Variants in UQCRB observed in about 807,000 individuals in gnomAD.
UQCRB encodes ubiquinol-cytochrome c reductase binding protein.
UQCRB carries 12 observed loss-of-function variants against 19.8 expected under a neutral mutation model. That is an observed-to-expected ratio of 0.61 (90% CI 0.39 to 0.98). UQCRB has a LOEUF of 0.98. Among genes scored for constraint, UQCRB ranks in the 50% least tolerant of loss-of-function variants. The pLI is 0.00. For missense variants in UQCRB, 142 were observed against 131.8 expected (o/e 1.08, Z -0.38); for synonymous variants, 39 against 42.9 (o/e 0.91, Z 0.35).
chr8:96,231,988 G>C, intron 2 of UQCRB, 48 bp from the exon 3 acceptor site: 1 of 1,599,336 alleles, frequency 6.3e-7, no homozygotes. Flanking sequence ...CAAAAATCGC[G>C]GTTTTTTTAA....
rs1039286950 is a variant in UQCRB, at chr8:96,223,961, C to T, written c.*7094G>A. Among the ~76,000 whole-genome samples, 2 of 152,160 alleles carry T rather than the reference C, an allele frequency of 1.3e-5. No individual in the cohort carries two copies. The highest frequency in any genetic ancestry group is 4.8e-5 in the African/African-American group (2 of 41,442). ...GGAAGGCCACTCCCTTCAACTGGAA[C>T]TAGTGTGGTCTCCTGGAGTCTGACT... On this transcript the variant is annotated 3_prime_UTR_variant, in exon 4 of 4. Transcript: ENST00000287022.
chr8:96,233,598 T>C (rs1221580714), intron 1 of UQCRB: 2 of 180,550 alleles, frequency 1.1e-5, no homozygotes, highest in Admixed American at 5.8e-5. Context: ...GGGTGGGAGA[T>C]AGGAAAAGGA....
Position 96,230,398 on chromosome 8 carries a change from T to C in UQCRB, c.*657A>G. 2.3e-6 allele frequency: 1 copy of C among 443,168 alleles called. No individual in the cohort carries two copies. The highest frequency in any genetic ancestry group is 1.6e-5 in the South Asian group (1 of 62,154). The allele number at this position is 443,168 out of a possible 1,614,324, so 27.5% of individuals were successfully genotyped here. The stretch of plus-strand genomic sequence containing the variant: ...TGCCAATGATTCTAATTTATATTTT[T>C]AAAAATTACCCTATAATCTTAAAAC... On this transcript the variant is annotated 3_prime_UTR_variant, in exon 4 of 4. Transcript: ENST00000287022.
In UQCRB at chr8:96,227,918, T is replaced by C. The variant is rs1372344422; in HGVS notation, c.*3137A>G. ...AGTAAAAACTCCATCACTAACATTT[T>C]GGTACCACTCGTAGAGCGTCACATA... On this transcript the variant is annotated 3_prime_UTR_variant, in exon 4 of 4. Transcript: ENST00000287022. 8.8e-6 allele frequency: 4 copies of C among 454,054 alleles called. No individual in the cohort carries two copies. Among genetic ancestry groups the C allele is most frequent in the African/African-American group, 4.0e-5 (2 of 50,022 alleles). 28.1% of individuals were successfully genotyped at this position (454,054 alleles called of 1,614,324 possible). A position where few individuals can be genotyped will look rare whatever the true frequency, so the allele number is the denominator to read the frequency against.
rs901554077 is a variant in UQCRB, at chr8:96,226,491, A to G, written c.*4564T>C. On this transcript the variant is annotated 3_prime_UTR_variant, in exon 4 of 4. Coordinates refer to ENST00000287022, the MANE Select transcript of UQCRB (RefSeq NM_006294.5). ...TTGCCTAAATCATTGGCCTCAGATC[A>G]GTGTTTCCAGTTTAATGGCAAACCA... 8.9e-5 allele frequency: 17 copies of G among 189,968 alleles called. No individual in the cohort carries two copies. Among genetic ancestry groups the G allele is most frequent in the African/African-American group, 4.1e-4 (17 of 41,798 alleles). The allele number at this position is 189,968 out of a possible 1,614,324, so 11.8% of individuals were successfully genotyped here.
In UQCRB at chr8:96,225,078, C is replaced by A. The variant is rs748170803; in HGVS notation, c.*5977G>T. Among the ~76,000 whole-genome samples the A allele has an allele frequency of 6.6e-6, 1 of 151,940 alleles. No individual in the cohort carries two copies. The highest frequency in any genetic ancestry group is 2.4e-5 in the African/African-American group (1 of 41,346). ...CTCATACAAATAGATAAGAACTGAC[C>A]CAGGTTTGGGAAGGGGGAAGAGGGA... On this transcript the variant is annotated 3_prime_UTR_variant, in exon 4 of 4. Coordinates refer to ENST00000287022, the MANE Select transcript of UQCRB (RefSeq NM_006294.5).
rs1005020941 is a variant in UQCRB at position 96,226,165 on chromosome 8, T to C, written c.*4890A>G. ...TGGAACATAAACACATACATCAATT[T>C]AAAAAATCCAGAAAATTATGTAATG... On this transcript the variant is annotated 3_prime_UTR_variant, in exon 4 of 4. Coordinates refer to ENST00000287022, the MANE Select transcript of UQCRB (RefSeq NM_006294.5). 2.0e-5 allele frequency: 3 copies of C among 152,142 alleles called. No homozygotes were observed. Among genetic ancestry groups the C allele is most frequent in the African/African-American group, 7.2e-5 (3 of 41,426 alleles). 9.4% of individuals were successfully genotyped at this position (152,142 alleles called of 1,614,324 possible).
At position 96,233,370 on chromosome 8, in the gene UQCRB, A is replaced by G. The variant is rs115154948; in HGVS notation, c.20-143T>C. 9.8e-4 allele frequency: 653 copies of G among 666,312 alleles called. 5 individuals carry two copies. The African/African-American group carries it at 0.011, about 11-fold the overall frequency. 41.3% of individuals were successfully genotyped at this position (666,312 alleles called of 1,614,324 possible). On this transcript the variant is annotated intron_variant, in intron 1 of 3. Transcript: ENST00000287022. ...CCTTTTAAAAGTATATAGTATATACAGCAAGAATTTAATCAAAAGAATTAG... is the reference window on the plus strand; with the variant it reads ...CCTTTTAAAAGTATATAGTATATACGGCAAGAATTTAATCAAAAGAATTAG...
chr8:96,224,112 C>T lies in UQCRB; in HGVS notation c.*6943G>A, dbSNP rs1025978269. Among the ~76,000 whole-genome samples the T allele has an allele frequency of 6.6e-6, 1 of 152,192 alleles. No individual in the cohort carries two copies. Among genetic ancestry groups the T allele is most frequent in the Non-Finnish European group, 1.5e-5 (1 of 68,038 alleles). ...CAACCTAGCCATTCTCAAGGGCAGC[C>T]CAGTTCTGTGTGAGTCAGAGTCCTG... On this transcript the variant is annotated 3_prime_UTR_variant, in exon 4 of 4. Transcript: ENST00000287022.
At chr8:96,234,744 C>A in intron 1 of UQCRB, 1 of 320,552 alleles carries the variant, frequency 3.1e-6, no homozygotes. Flanking sequence ...TGCACTCCAG[C>A]CTGGGCGACA....
intron 1 of UQCRB, chr8:96,234,718 G>GA: frequency 5.5e-6 from 2 of 366,652 alleles, no homozygotes; most frequent in South Asian, 4.2e-5. Context: ...ATTGCAGTGA[G>GA]ACGAGATTGT....
In UQCRB at chr8:96,226,608, T is replaced by C. The variant is rs1184171430; in HGVS notation, c.*4447A>G. ...TTTTTGGTTTGGCTTGTGAATACAA[T>C]TGTCACAGATATGTATACAATTTTC... is the stretch of plus-strand genomic sequence containing the variant. On this transcript the variant is annotated 3_prime_UTR_variant, in exon 4 of 4. Transcript: ENST00000287022. 1.2e-5 allele frequency: 3 copies of C among 250,926 alleles called. No individual in the cohort carries two copies. The highest frequency in any genetic ancestry group is 2.4e-5 in the Non-Finnish European group (3 of 126,958). The allele number at this position is 250,926 out of a possible 1,614,324, so 15.5% of individuals were successfully genotyped here.
At chr8:96,234,679 C>T in intron 1 of UQCRB, 1 of 418,366 alleles carries the variant, frequency 2.4e-6, no homozygotes, top group Non-Finnish European at 4.5e-6. Flanking sequence ...AAAGGATCAA[C>T]ATTTTTTAAG....
chr8:96,232,449 A>T (rs1809698410), intron 2 of UQCRB: 1 of 156,800 alleles, frequency 6.4e-6, no homozygotes, highest in Non-Finnish European at 1.4e-5. Context: ...ACAAAGTTCT[A>T]AAAAAGCTTA....
In UQCRB at chr8:96,228,894, CTG is replaced by C; in HGVS notation, c.*2159_*2160del. 6.6e-6 allele frequency: 3 copies of C among 454,050 alleles called. No homozygotes were observed. Among genetic ancestry groups the C allele is most frequent in the Non-Finnish European group, 1.3e-5 (3 of 226,778 alleles). The allele number at this position is 454,050 out of a possible 1,614,324, so 28.1% of individuals were successfully genotyped here. On this transcript the variant is annotated 3_prime_UTR_variant, in exon 4 of 4. Coordinates refer to ENST00000287022, the MANE Select transcript of UQCRB (RefSeq NM_006294.5). ...TGGTCTACAGGACAATGCAGAGTGC[CTG>C]TGTTTCAGGCACTCTCATGGTGATT...
chr8:96,231,700 A>G (rs1586154001), intron 3 of UQCRB, 74 bp downstream of exon 3: 2 of 1,592,452 alleles, frequency 1.3e-6, no homozygotes, highest in Middle Eastern at 1.7e-4. Flanking sequence ...CACTATGCAA[A>G]TGAACATGTT....
intron 2 of UQCRB, chr8:96,232,283 AAC>A (rs1234151971): frequency 3.6e-6 from 1 of 274,514 alleles, no homozygotes; most frequent in Non-Finnish European, 7.1e-6. Flanking sequence ...TTTGTTTTTA[AAC>A]ACACATTAAT....
chr8:96,235,494 A>C lies in UQCRB; in HGVS notation c.19+18T>G. Reference sequence around the variant, plus strand: ...TGAAGCGCGACGATGCCGGCCAAGAAGACCCCCAGTTACTTACCGGCCTGC... The same window carrying C: ...TGAAGCGCGACGATGCCGGCCAAGACGACCCCCAGTTACTTACCGGCCTGC... On this transcript the variant is annotated intron_variant, in intron 1 of 3. Coordinates refer to ENST00000287022, the MANE Select transcript of UQCRB (RefSeq NM_006294.5). The C allele has an allele frequency of 6.2e-7, 1 of 1,614,236 alleles. No individual in the cohort carries two copies. Among genetic ancestry groups the C allele is most frequent in the Non-Finnish European group, 8.5e-7 (1 of 1,180,046 alleles).
chr8:96,231,765 C>G lies in UQCRB; in HGVS notation c.258+9G>C. 1.2e-6 allele frequency: 2 copies of G among 1,614,054 alleles called. No homozygotes were observed. The highest frequency in any genetic ancestry group is 1.3e-5 in the African/African-American group (1 of 75,046). ...GAGCAACACTGTCAGGTAGATAAAGCTGTGCTACCTCTTCATATTTGGTCC... is the reference window on the plus strand; with the variant it reads ...GAGCAACACTGTCAGGTAGATAAAGGTGTGCTACCTCTTCATATTTGGTCC... On this transcript the variant is annotated intron_variant, in intron 3 of 3. Coordinates refer to ENST00000287022, the MANE Select transcript of UQCRB (RefSeq NM_006294.5).
Sources: allele counts gnomAD v4.1 joint callset (sites outside exome capture counted in the v4.1 genomes callset), GRCh38; gene constraint gnomAD v4.1.1; transcripts MANE v1.5; gene names NCBI Gene and HGNC (gene_info 2026-07-23, HGNC 2026-07-21).